DICER1: variants seen among roughly 807,000 people sequenced by gnomAD.
DICER1 encodes dicer 1, ribonuclease III, also known as endoribonuclease Dicer.
A neutral mutation model predicts 194.1 loss-of-function variants in DICER1; 43 were observed. The observed-to-expected ratio is 0.22, with a 90% CI of 0.17 to 0.29. DICER1 has a LOEUF of 0.29. Ranked by LOEUF, DICER1 falls within the 10% of genes least tolerant of loss-of-function variation. DICER1 has a pLI of 1.00. For synonymous variants in DICER1, 832 were observed against 820.5 expected (o/e 1.01, Z -0.24); for missense variants, 1,608 against 2,317.0 (o/e 0.69, Z 6.28).
chr14:95,120,515 C>T (rs1401330196), intron 8 of DICER1, among the ~76,000 whole-genome samples: 4 of 152,168 alleles, frequency 2.6e-5, no homozygotes, highest in South Asian at 2.1e-4. Context: ...CAAGTCTCCT[C>T]GGCAAAATGG....
chr14:95,100,355 T>TG (rs1187344253), intron 21 of DICER1, among the ~76,000 whole-genome samples: 1 of 152,026 alleles, frequency 6.6e-6, no homozygotes, highest in East Asian at 1.9e-4. Flanking sequence ...TTCAATGAAA[T>TG]GGGGGGAGGA....
intron 13 of DICER1, 75 bp from the exon 14 acceptor site, chr14:95,111,531 T>C: frequency 2.0e-6 from 3 of 1,495,174 alleles, no homozygotes; most frequent in Non-Finnish European, 2.8e-6. Context: ...AGAACAGAAC[T>C]ATGTTAGAAG....
intron 1 of DICER1, among the ~76,000 whole-genome samples, chr14:95,137,499 AAAGGGG>A (rs1160692811): frequency 7.0e-6 from 1 of 141,958 alleles, no homozygotes; most frequent in Non-Finnish European, 1.5e-5. Context: ...AGGGGAAGGG[AAAGGGG>A]AAGGGGAAGG....
At position 95,090,037 on chromosome 14, in the gene DICER1, T is replaced by C. The variant is rs557719688; in HGVS notation, c.*461A>G. On this transcript the variant is annotated 3_prime_UTR_variant, in exon 27 of 27. Transcript: ENST00000343455. ...TCCTCTCGAAAACCTTATCTTTCTA[T>C]TCAGCTTATCAACTACTGCAGGACT... The C allele has an allele frequency of 6.7e-6, 2 of 296,726 alleles. No individual in the cohort carries two copies. The highest frequency in any genetic ancestry group is 1.0e-4 in the East Asian group (2 of 19,184). The allele number at this position is 296,726 out of a possible 1,614,324, so 18.4% of individuals were successfully genotyped here.
intron 1 of DICER1, among the ~76,000 whole-genome samples, chr14:95,138,789 G>A (rs1233585351): frequency 1.4e-5 from 2 of 138,132 alleles, no homozygotes; most frequent in Non-Finnish European, 3.1e-5. Context: ...GACACAGGAA[G>A]GGGAATATCA....
At chr14:95,157,603 G>A (rs1321984849), upstream of DICER1, 2 of 152,392 alleles carry the variant, frequency 1.3e-5, no homozygotes, top group Non-Finnish European at 2.9e-5. Flanking sequence ...CCTGTGATTG[G>A]ACAGGGCCTG....
chr14:95,099,432 C>CTTT (rs1890656524), intron 22 of DICER1, among the ~76,000 whole-genome samples: 3 of 151,868 alleles, frequency 2.0e-5, no homozygotes, highest in Non-Finnish European at 2.9e-5. Context: ...TTTCACTGAA[C>CTTT]AGAGCTAAGG....
chr14:95,089,344 T>TG lies in DICER1; in HGVS notation c.*1153dup. ...GCATTAACAGCACAGCTTTGGTAGG[T>TG]GAAATATGCATGCAACATTATGAAA... is the stretch of plus-strand genomic sequence containing the variant. On this transcript the variant is annotated 3_prime_UTR_variant, in exon 27 of 27. Coordinates refer to ENST00000343455, the MANE Select transcript of DICER1 (RefSeq NM_177438.3). The TG allele has an allele frequency of 4.3e-6, 1 of 233,040 alleles. No homozygotes were observed. The highest frequency in any genetic ancestry group is 8.5e-6 in the Non-Finnish European group (1 of 117,962). The allele number at this position is 233,040 out of a possible 1,614,324, so 14.4% of individuals were successfully genotyped here. A position where few individuals can be genotyped will look rare whatever the true frequency, so the allele number is the denominator to read the frequency against.
chr14:95,126,779 C>T (rs1893502862), intron 6 of DICER1, 31 bp from the exon 7 acceptor site: 1 of 1,416,844 alleles, frequency 7.1e-7, no homozygotes, highest in Non-Finnish European at 9.8e-7. Flanking sequence ...GGTATCAATA[C>T]TGCAGTAGTG....
chr14:95,139,450 C>G (rs1352616388), intron 1 of DICER1, among the ~76,000 whole-genome samples: 2 of 152,194 alleles, frequency 1.3e-5, no homozygotes, highest in African/African-American at 4.8e-5. Context: ...ATTAAAACCT[C>G]AAACAGCTTC....
chr14:95,112,291 T>G, intron 12 of DICER1, 44 bp from the exon 13 acceptor site: 1 of 1,490,868 alleles, frequency 6.7e-7, no homozygotes, highest in Non-Finnish European at 9.4e-7. Flanking sequence ...CACATCGCTG[T>G]ATTACCTCTA....
intron 5 of DICER1, 65 bp from the exon 6 acceptor site, chr14:95,129,697 C>T (rs1407732459): frequency 1.2e-5 from 17 of 1,444,338 alleles, no homozygotes; most frequent in Admixed American, 6.9e-5. Flanking sequence ...AGAGAGACAT[C>T]GCCATATTAA....
Position 95,099,776 on chromosome 14 carries a change from T to C in DICER1, c.4206+4A>G, listed in dbSNP as rs776611782. 6.3e-7 allele frequency: 1 copy of C among 1,586,408 alleles called. No individual in the cohort carries two copies. ...CACACACACACACACACACACAAACTTACCATTTCATCTTTTTCCCATTTA... is the reference window on the plus strand; with the variant it reads ...CACACACACACACACACACACAAACCTACCATTTCATCTTTTTCCCATTTA... On this transcript the variant is annotated splice_donor_region_variant and intron_variant, in intron 22 of 26. Transcript: ENST00000343455.
intron 24 of DICER1, among the ~76,000 whole-genome samples, chr14:95,092,186 G>T (rs1054613471): frequency 4.6e-5 from 7 of 152,138 alleles, no homozygotes; most frequent in Non-Finnish European, 7.3e-5. Context: ...TCAATACACG[G>T]AAAGTCAGCC....
chr14:95,103,533 C>T lies in DICER1; in HGVS notation c.3863G>A (p.Arg1288Lys). Reference sequence around the variant, plus strand: ...AAGTCCAGGATTGGGGCCAAGAGTCCTTGAGGAGTACCCAATAGAAGGGCT... The same window carrying T: ...AAGTCCAGGATTGGGGCCAAGAGTCTTTGAGGAGTACCCAATAGAAGGGCT... ...EQSPSIGYSS[R>K]TLGPNPGLIL... Residue 1288 changes from arginine to lysine, a missense_variant, in exon 21 of 27, where the codon AGG becomes AAG. This residue lies in a region of DICER1 where 222 missense variants were observed against 215.5 expected (regional missense o/e 1.03). Transcript: ENST00000343455. 6.2e-7 allele frequency: 1 copy of T among 1,614,130 alleles called. No individual in the cohort carries two copies. The highest frequency in any genetic ancestry group is 8.5e-7 in the Non-Finnish European group (1 of 1,180,014).
At chr14:95,113,871 C>T (rs956510664) in intron 11 of DICER1, among the ~76,000 whole-genome samples, 1 of 152,226 alleles carries the variant, frequency 6.6e-6, no homozygotes, top group South Asian at 2.1e-4. Flanking sequence ...CACCTGACCA[C>T]AGTTGCAGCC....
intron 1 of DICER1, among the ~76,000 whole-genome samples, chr14:95,153,171 C>G (rs140817426): frequency 6.6e-6 from 1 of 151,394 alleles, no homozygotes; most frequent in African/African-American, 2.4e-5. Context: ...GAGCTGAGAT[C>G]GCACCACTGC....
At chr14:95,112,871 A>T (rs1176802377) in intron 12 of DICER1, among the ~76,000 whole-genome samples, 1 of 152,256 alleles carries the variant, frequency 6.6e-6, no homozygotes, top group Admixed American at 6.5e-5. Context: ...GTCTATTACA[A>T]ATATGAACAT....
rs114861074 is a variant in DICER1 at position 95,094,011 on chromosome 14, C to A, written c.5241G>T (p.Ser1747=). The A allele has an allele frequency of 6.2e-7, 1 of 1,613,980 alleles. No individual in the cohort carries two copies. The highest frequency in any genetic ancestry group is 2.2e-5 in the East Asian group (1 of 44,870). Reference sequence around the variant, plus strand: ...TGTGGTAGTCGTACTTTACAGCCAGCGATGCAAAGATGGTGTTGTTGACCA... The same window carrying A: ...TGTGGTAGTCGTACTTTACAGCCAGAGATGCAAAGATGGTGTTGTTGACCA... The part of the protein sequence containing the change: ...SALVNNTIFA[S]LAVKYDYHKY... Residue 1747 remains serine (S), a synonymous_variant, in exon 24 of 27, where the codon TCG becomes TCT. Coordinates refer to ENST00000343455, the MANE Select transcript of DICER1 (RefSeq NM_177438.3).
Sources: allele counts gnomAD v4.1 joint callset (sites outside exome capture counted in the v4.1 genomes callset), GRCh38; gene constraint gnomAD v4.1.1; regional missense constraint gnomAD v4.1.1; transcripts MANE v1.5; gene names NCBI Gene and HGNC (gene_info 2026-07-23, HGNC 2026-07-21).